The following OPCML variants were observed in gnomAD, a reference collection of about 807,000 sequenced individuals.
The protein encoded by OPCML is opioid binding protein/cell adhesion molecule like.
A neutral mutation model predicts 37.8 loss-of-function variants in OPCML; 13 were observed. The ratio of observed to expected loss-of-function variants is 0.34; its 90% CI spans 0.22 to 0.55. The LOEUF (loss-of-function observed/expected upper bound fraction) is 0.55, where lower values mean the gene tolerates loss of function less well. Ranked by LOEUF, OPCML falls within the 20% of genes least tolerant of loss-of-function variation. The pLI, the probability that OPCML is intolerant of heterozygous loss-of-function variation, is 0.91. For synonymous variants in OPCML, 176 were observed against 168.8 expected, an observed-to-expected ratio of 1.04 and a Z score of -0.33; for missense variants, 341 against 435.6, an observed-to-expected ratio of 0.78 and a Z score of 1.93.
chr11:132,604,031 C>T (rs1370257896), intron 3 of OPCML, among the ~76,000 whole-genome samples: 2 of 152,152 alleles, frequency 1.3e-5, no homozygotes, highest in Non-Finnish European at 2.9e-5. Flanking sequence ...GCCTTTATCT[C>T]CCTCGCCATT....
Position 133,496,774 on chromosome 11 carries a change from C to A in OPCML, c.61+35490G>T, listed in dbSNP as rs548844769. Among the ~76,000 whole-genome samples the A allele has an allele frequency of 4.4e-4, 67 of 152,270 alleles. 2 individuals are homozygous for A. The highest frequency in any genetic ancestry group is 1.5e-3 in the African/African-American group (64 of 41,570). ...TTGTATCCAGAAACTTTGCTGAATT[C>A]TTTTATCAGTTCTAGGAGCTTTCTG... On this transcript the variant is annotated intron_variant, in intron 1 of 7. Coordinates refer to ENST00000524381, the MANE Select transcript of OPCML (RefSeq NM_001012393.5).
intron 1 of OPCML, among the ~76,000 whole-genome samples, chr11:133,023,683 TAA>T (rs1376108557): frequency 2.5e-4 from 38 of 152,290 alleles, no homozygotes; most frequent in African/African-American, 5.3e-4. Flanking sequence ...CAAATTTAGT[TAA>T]GAGTAGTTTT....
chr11:132,683,857 A>T (rs1339250285), intron 2 of OPCML, among the ~76,000 whole-genome samples: 4 of 152,144 alleles, frequency 2.6e-5, no homozygotes, highest in Non-Finnish European at 5.9e-5. Flanking sequence ...GCCCTCTGTG[A>T]AATGATGGGA....
chr11:133,100,983 G>A (rs1296486647), intron 1 of OPCML, among the ~76,000 whole-genome samples: 1 of 152,156 alleles, frequency 6.6e-6, no homozygotes, highest in East Asian at 1.9e-4. Flanking sequence ...GGAGTGCAGT[G>A]GCATGATCTC....
chr11:133,008,775 G>T, intron 1 of OPCML: 1 of 503,950 alleles, frequency 2.0e-6, no homozygotes, highest in Non-Finnish European at 2.6e-6. Flanking sequence ...AGCCAATTCT[G>T]ATCCACTTCC....
intron 4 of OPCML, among the ~76,000 whole-genome samples, chr11:132,485,636 T>C (rs941669695): frequency 5.3e-5 from 8 of 152,238 alleles, no homozygotes; most frequent in African/African-American, 1.4e-4. Flanking sequence ...TTTACATTAA[T>C]GGAATCATAT....
chr11:133,017,498 A>G (rs1309110542), intron 1 of OPCML, among the ~76,000 whole-genome samples: 1 of 151,990 alleles, frequency 6.6e-6, no homozygotes, highest in Non-Finnish European at 1.5e-5. Flanking sequence ...CCTGGGTTCA[A>G]GCAATTCTCC....
At chr11:133,444,735 T>C (rs1343808892) in intron 1 of OPCML, among the ~76,000 whole-genome samples, 1 of 152,216 alleles carries the variant, frequency 6.6e-6, no homozygotes, top group East Asian at 1.9e-4. Context: ...CATTTCATCA[T>C]GATATTGAAA....
chr11:132,736,960 C>T (rs1324571644), intron 2 of OPCML, among the ~76,000 whole-genome samples: 2 of 152,130 alleles, frequency 1.3e-5, no homozygotes, highest in African/African-American at 2.4e-5. Flanking sequence ...TTACAATTCC[C>T]TGATGATGAA....
chr11:132,895,399 G>T (rs1370708249), intron 2 of OPCML, among the ~76,000 whole-genome samples: 1 of 152,216 alleles, frequency 6.6e-6, no homozygotes, highest in African/African-American at 2.4e-5. Context: ...AATAGCTGAA[G>T]AGCTTCTAAG....
intron 1 of OPCML, among the ~76,000 whole-genome samples, chr11:133,437,277 C>A (rs189159518): frequency 6.6e-6 from 1 of 152,236 alleles, no homozygotes; most frequent in Admixed American, 6.5e-5. Context: ...CAGACGGAAG[C>A]CATTATCAAT....
chr11:132,689,472 G>A (rs1474113766), intron 2 of OPCML, among the ~76,000 whole-genome samples: 1 of 152,206 alleles, frequency 6.6e-6, no homozygotes, highest in African/African-American at 2.4e-5. Flanking sequence ...TCCCAGCTAA[G>A]GGTATTAGAA....
At chr11:132,591,974 G>A (rs1438567687) in intron 3 of OPCML, among the ~76,000 whole-genome samples, 1 of 152,234 alleles carries the variant, frequency 6.6e-6, no homozygotes, top group Non-Finnish European at 1.5e-5. Context: ...AACAGGCAGT[G>A]AGAGGAGATG....
chr11:133,290,809 G>C lies in OPCML; in HGVS notation c.61+241455C>G, dbSNP rs1481031233. On this transcript the variant is annotated intron_variant, in intron 1 of 7. Coordinates refer to ENST00000524381, the MANE Select transcript of OPCML (RefSeq NM_001012393.5). ...CACTGAGTGGGTGAAGGCAGAGCTT[G>C]AGAATGCCTTGTCTGGAATCTTCTT... is the stretch of plus-strand genomic sequence containing the variant. Among the ~76,000 whole-genome samples the C allele has an allele frequency of 1.3e-5, 2 of 152,246 alleles. 1 individual carries two copies. Among genetic ancestry groups the C allele is most frequent in the African/African-American group, 4.8e-5 (2 of 41,466 alleles).
intron 1 of OPCML, chr11:133,360,235 C>A (rs1944383253): frequency 6.6e-6 from 1 of 152,240 alleles, no homozygotes; most frequent in Admixed American, 6.5e-5. Flanking sequence ...AGCAGAGATT[C>A]TATTTTATCT....
chr11:132,537,267 T>A (rs118168656), intron 3 of OPCML, among the ~76,000 whole-genome samples: 2 of 152,304 alleles, frequency 1.3e-5, no homozygotes, highest in Admixed American at 6.5e-5. Flanking sequence ...GAATTGAGAA[T>A]CCAAAAATAT....
At chr11:133,084,226 C>A (rs561623934) in intron 1 of OPCML, among the ~76,000 whole-genome samples, 1 of 152,192 alleles carries the variant, frequency 6.6e-6, no homozygotes, top group East Asian at 1.9e-4. Context: ...GTGGCAGAAC[C>A]AGCATTCATA....
intron 2 of OPCML, among the ~76,000 whole-genome samples, 174 bp downstream of exon 2, chr11:132,942,752 A>G (rs1228698725): frequency 2.6e-5 from 4 of 152,190 alleles, no homozygotes; most frequent in Non-Finnish European, 5.9e-5. Flanking sequence ...GCACAGGACA[A>G]ACCTGTCCAG....
At chr11:133,127,948 G>A (rs368622123) in intron 1 of OPCML, among the ~76,000 whole-genome samples, 13 of 152,158 alleles carry the variant, frequency 8.5e-5, no homozygotes, top group South Asian at 2.1e-4. Context: ...GCTTTGTTCC[G>A]CATATGGAAG....
Sources: allele counts gnomAD v4.1 joint callset (sites outside exome capture counted in the v4.1 genomes callset), GRCh38; gene constraint gnomAD v4.1.1; transcripts MANE v1.5; gene names NCBI Gene and HGNC (gene_info 2026-07-23, HGNC 2026-07-21).